ENTPD5: variants seen among roughly 807,000 people sequenced by gnomAD.
ENTPD5 encodes ectonucleoside triphosphate diphosphohydrolase 5 (inactive).
A neutral mutation model predicts 60.2 loss-of-function variants in ENTPD5; 49 were observed. That is an observed-to-expected ratio of 0.81 (90% confidence interval 0.65 to 1.03). The LOEUF is 1.03. ENTPD5 is among the 50% of genes least tolerant of loss of function. The probability of loss-of-function intolerance (pLI) is 0.00; values close to 1 mark genes in which losing one functional copy is unlikely to be tolerated. For synonymous variants in ENTPD5, 187 were observed against 185.4 expected (o/e 1.01, Z -0.07); for missense variants, 480 against 507.6 (o/e 0.95, Z 0.52).
chr14:73,999,597 C>T (rs1026559963), intron 3 of ENTPD5, among the ~76,000 whole-genome samples: 1 of 151,626 alleles, frequency 6.6e-6, no homozygotes, highest in Non-Finnish European at 1.5e-5. Context: ...AGTTTGAGAC[C>T]AGACTGACCA....
chr14:73,963,132 T>G, downstream of ENTPD5: 1 of 819,742 alleles, frequency 1.2e-6, no homozygotes, highest in Admixed American at 2.0e-5. Flanking sequence ...TCTTCTTTGC[T>G]TAATGGGCCT....
At chr14:73,988,729 A>G (rs2058008152) in intron 3 of ENTPD5, among the ~76,000 whole-genome samples, 1 of 152,218 alleles carries the variant, frequency 6.6e-6, no homozygotes, top group Non-Finnish European at 1.5e-5. Context: ...CTTCCATGAA[A>G]TCAACTTTTT....
intron 2 of ENTPD5, among the ~76,000 whole-genome samples, chr14:74,013,215 G>C (rs2058899600): frequency 1.3e-5 from 2 of 152,186 alleles, no homozygotes; most frequent in Admixed American, 1.3e-4. Context: ...AGGAACCAAT[G>C]CTAGAGTTAA....
intron 1 of ENTPD5, 63 bp from the exon 2 acceptor site, chr14:74,015,993 A>C (rs183631183): frequency 4.6e-4 from 70 of 152,340 alleles, no homozygotes; most frequent in African/African-American, 1.6e-3. Context: ...TTCCAAGTTT[A>C]AAAGCATTAG....
chr14:73,967,288 TAGAC>T (rs912640821), intron 15 of ENTPD5, among the ~76,000 whole-genome samples: 5 of 152,232 alleles, frequency 3.3e-5, no homozygotes, highest in African/African-American at 1.2e-4. Context: ...AGAGATAGTT[TAGAC>T]AGACAGTATT....
chr14:74,008,693 C>T (rs551105078), intron 3 of ENTPD5, among the ~76,000 whole-genome samples: 2 of 152,280 alleles, frequency 1.3e-5, no homozygotes, highest in African/African-American at 4.8e-5. Context: ...CTGCGCCTGG[C>T]CTAGACTTTT....
At chr14:73,971,991 A>C (rs1566712677) in intron 13 of ENTPD5, 83 bp from the exon 14 acceptor site, 1 of 835,074 alleles carries the variant, frequency 1.2e-6, no homozygotes, top group Non-Finnish European at 2.1e-6. Flanking sequence ...CATTATATAC[A>C]CATGTACATA....
chr14:73,988,198 A>G, intron 3 of ENTPD5, 26 bp from the exon 4 acceptor site: 1 of 1,473,556 alleles, frequency 6.8e-7, no homozygotes, highest in Non-Finnish European at 9.0e-7. Flanking sequence ...CACACAAGTT[A>G]GACCAACTAG....
chr14:74,000,462 T>C (rs1165005032), intron 3 of ENTPD5, among the ~76,000 whole-genome samples: 1 of 148,140 alleles, frequency 6.8e-6, no homozygotes, highest in Non-Finnish European at 1.5e-5. Flanking sequence ...CCCGTCTCAA[T>C]TTAAAAAATA....
At chr14:73,962,929 T>G, downstream of ENTPD5, 2 of 1,504,770 alleles carry the variant, frequency 1.3e-6, no homozygotes, top group Non-Finnish European at 1.9e-6. Context: ...TTCTTCACCT[T>G]ACTGTGTTAA....
At chr14:73,971,617 T>C (rs1294842969) in intron 14 of ENTPD5, among the ~76,000 whole-genome samples, 2 of 152,212 alleles carry the variant, frequency 1.3e-5, no homozygotes, top group African/African-American at 4.8e-5. Context: ...TAACCTTGAA[T>C]TTCTGGCCTC....
chr14:74,015,758 AAAAG>A (rs908216229), intron 2 of ENTPD5, 62 bp downstream of exon 2: 2 of 152,184 alleles, frequency 1.3e-5, no homozygotes, highest in African/African-American at 4.8e-5. Flanking sequence ...ATTCAGGAAA[AAAAG>A]AAAACCACCA....
intron 6 of ENTPD5, among the ~76,000 whole-genome samples, chr14:73,981,062 G>A (rs2140559655): frequency 6.6e-6 from 1 of 152,028 alleles, no homozygotes; most frequent in Non-Finnish European, 1.5e-5. Context: ...TCGCACTACT[G>A]CACTCCAGCC....
At chr14:74,001,293 G>T (rs2058497787) in intron 3 of ENTPD5, among the ~76,000 whole-genome samples, 1 of 152,156 alleles carries the variant, frequency 6.6e-6, no homozygotes, top group Non-Finnish European at 1.5e-5. Context: ...ACGAGGTCAA[G>T]AGATCGAGAC....
Position 73,996,114 on chromosome 14 carries a change from G to GTGTCTGCC in ENTPD5, c.-70-7950_-70-7943dup, listed in dbSNP as rs1299050210. On this transcript the variant is annotated intron_variant, in intron 3 of 15. Coordinates refer to ENST00000334696, the MANE Select transcript of ENTPD5 (RefSeq NM_001249.5). ...GCCCCATTCATGTGCTCACCTGCTT[G>GTGTCTGCC]TGTCTGCCGGTTCCCTGAGTCCTTG... 4.1e-6 allele frequency: 4 copies of GTGTCTGCC among 984,794 alleles called. 1 individual carries two copies. Among genetic ancestry groups the GTGTCTGCC allele is most frequent in the Non-Finnish European group, 4.8e-6 (4 of 829,460 alleles). The allele number at this position is 984,794 out of a possible 1,614,324, so 61.0% of individuals were successfully genotyped here. A position where few individuals can be genotyped will look rare whatever the true frequency, so the allele number is the denominator to read the frequency against.
intron 3 of ENTPD5, among the ~76,000 whole-genome samples, chr14:74,004,003 G>C (rs1379848925): frequency 6.6e-6 from 1 of 151,680 alleles, no homozygotes; most frequent in Admixed American, 6.6e-5. Context: ...TACTTGGGAG[G>C]CTGAGGCAGA....
chr14:73,978,866 C>T (rs566070330), intron 6 of ENTPD5, among the ~76,000 whole-genome samples: 7 of 151,790 alleles, frequency 4.6e-5, no homozygotes, highest in Non-Finnish European at 1.0e-4. Context: ...ACAGAGATAG[C>T]GCCATTGCAC....
intron 3 of ENTPD5, 55 bp downstream of exon 3, chr14:74,011,036 T>C (rs2058832220): frequency 3.1e-6 from 1 of 321,168 alleles, no homozygotes; most frequent in African/African-American, 2.2e-5. Context: ...CAAAGCAGAA[T>C]TTGCAGAAAT....
intron 1 of ENTPD5, among the ~76,000 whole-genome samples, chr14:74,016,772 G>A (rs1488136826): frequency 6.6e-6 from 1 of 152,198 alleles, no homozygotes; most frequent in Non-Finnish European, 1.5e-5. Context: ...ATGTTCAAAT[G>A]AGGAGTCTTG....
Sources: gnomAD v4.1 joint callset for allele counts (sites outside exome capture counted in the v4.1 genomes callset) on GRCh38, gnomAD v4.1.1 for gene constraint, MANE v1.5 for transcripts, NCBI Gene and HGNC (gene_info 2026-07-23, HGNC 2026-07-21) for gene names.